SIPA1L3: variants seen among roughly 807,000 people sequenced by gnomAD.
The protein encoded by SIPA1L3 is signal-induced proliferation-associated 1-like protein 3.
A neutral mutation model predicts 150.1 loss-of-function variants in SIPA1L3; 59 were observed. The observed-to-expected ratio is 0.39, with a 90% confidence interval of 0.32 to 0.49. The LOEUF is 0.49. Among genes scored for constraint, SIPA1L3 ranks in the 20% least tolerant of loss-of-function variants. The pLI is 0.86. For missense variants in SIPA1L3, 2,211 were observed against 2,489.5 expected (o/e 0.89, Z 2.38); for synonymous variants, 1,070 against 1,077.6 (o/e 0.99, Z 0.14).
chr19:38,177,674 G>A (rs186698820), intron 15 of SIPA1L3, among the ~76,000 whole-genome samples: 1 of 151,848 alleles, frequency 6.6e-6, no homozygotes, highest in African/African-American at 2.4e-5. Context: ...CAGACCATCT[G>A]TCCTCATACA....
chr19:37,936,613 C>T (rs1459331203), intron 1 of SIPA1L3, among the ~76,000 whole-genome samples: 1 of 152,170 alleles, frequency 6.6e-6, no homozygotes, highest in East Asian at 1.9e-4. Context: ...TTCACAGTGG[C>T]CCTATGAAAT....
intron 4 of SIPA1L3, among the ~76,000 whole-genome samples, chr19:38,089,157 C>G (rs1041922672): frequency 1.3e-5 from 2 of 151,580 alleles, no homozygotes; most frequent in African/African-American, 4.8e-5. Flanking sequence ...CCATCTCTAC[C>G]AAAAATACAA....
chr19:38,203,274 G>A lies in SIPA1L3; in HGVS notation c.5121-853G>A, dbSNP rs1041388147. 9.2e-5 allele frequency among the ~76,000 whole-genome samples: 14 copies of A among 152,174 alleles called. 1 individual carries two copies. Among genetic ancestry groups the A allele is most frequent in the Admixed American group, 2.6e-4 (4 of 15,268 alleles). On this transcript the variant is annotated intron_variant, in intron 20 of 21. Coordinates refer to ENST00000222345, the MANE Select transcript of SIPA1L3 (RefSeq NM_015073.3). ...GCGGGACCTGTGGCCCCTGGGCGGCGCTCCTGGAGTCCATTTGCCCCCATC... is the reference window on the plus strand; with the variant it reads ...GCGGGACCTGTGGCCCCTGGGCGGCACTCCTGGAGTCCATTTGCCCCCATC...
At chr19:38,067,505 G>A (rs1471565385) in intron 2 of SIPA1L3, among the ~76,000 whole-genome samples, 2 of 152,096 alleles carry the variant, frequency 1.3e-5, no homozygotes, top group African/African-American at 4.8e-5. Flanking sequence ...GCTCAAGTCT[G>A]TAATCCCAGC....
intron 1 of SIPA1L3, among the ~76,000 whole-genome samples, chr19:37,993,170 G>A (rs1967555227): frequency 6.6e-6 from 1 of 152,152 alleles, no homozygotes; most frequent in Admixed American, 6.6e-5. Context: ...TTGAATAAGT[G>A]ACTTAGCCCC....
Position 38,106,503 on chromosome 19 carries a change from G to A in SIPA1L3, c.2030-34G>A. ...GATATGGCAAAAACCCAGAGGTTTT[G>A]GAAACATGGTCCTAACTGGCATTTC... On this transcript the variant is annotated intron_variant, in intron 6 of 21. Transcript: ENST00000222345. 7 of 1,453,228 alleles carry A rather than the reference G, an allele frequency of 4.8e-6. No individual in the cohort carries two copies. In the Admixed American group the frequency reaches 1.0e-4, roughly 21 times the overall value. 90.0% of individuals were successfully genotyped at this position (1,453,228 alleles called of 1,614,324 possible).
At chr19:38,058,784 G>A (rs910775767) in intron 2 of SIPA1L3, among the ~76,000 whole-genome samples, 10 of 152,084 alleles carry the variant, frequency 6.6e-5, no homozygotes, top group African/African-American at 2.4e-4. Flanking sequence ...CAGCACTTTG[G>A]GTGGCTGAGG....
At chr19:38,166,800 T>C (rs1972221555) in intron 15 of SIPA1L3, among the ~76,000 whole-genome samples, 1 of 152,098 alleles carries the variant, frequency 6.6e-6, no homozygotes, top group South Asian at 2.1e-4. Context: ...TCCTCTCCTG[T>C]GGCGCCCTAA....
chr19:38,142,790 C>T (rs1971622488), intron 12 of SIPA1L3, 80 bp downstream of exon 12: 2 of 1,494,118 alleles, frequency 1.3e-6, no homozygotes, highest in African/African-American at 1.4e-5. Flanking sequence ...ATGCACACCC[C>T]CACAATTCTA....
intron 15 of SIPA1L3, among the ~76,000 whole-genome samples, chr19:38,177,508 C>T (rs890054037): frequency 6.6e-6 from 1 of 151,630 alleles, no homozygotes; most frequent in Non-Finnish European, 1.5e-5. Context: ...CCCCATTCCC[C>T]ACAAAAAGGG....
chr19:38,142,313 A>C (rs1971605027), intron 11 of SIPA1L3, among the ~76,000 whole-genome samples: 1 of 152,238 alleles, frequency 6.6e-6, no homozygotes, highest in Admixed American at 6.5e-5. Context: ...CAGCCTGCAG[A>C]AGCTGTGAGT....
intron 15 of SIPA1L3, among the ~76,000 whole-genome samples, chr19:38,175,260 C>T (rs2146007597): frequency 6.6e-6 from 1 of 152,168 alleles, no homozygotes; most frequent in East Asian, 1.9e-4. Flanking sequence ...GAGTGGTCAG[C>T]ACTGTCACTG....
intron 13 of SIPA1L3, among the ~76,000 whole-genome samples, chr19:38,155,996 G>A (rs1050885447): frequency 1.3e-5 from 2 of 152,110 alleles, no homozygotes; most frequent in Non-Finnish European, 2.9e-5. Context: ...CAGGAGAATC[G>A]CTTGAACACG....
intron 2 of SIPA1L3, among the ~76,000 whole-genome samples, chr19:38,052,272 G>A (rs185744557): frequency 1.8e-4 from 27 of 152,208 alleles, no homozygotes; most frequent in Admixed American, 1.3e-3. Context: ...GTATTTTAGC[G>A]GAAGGAATTC....
chr19:38,036,465 G>T (rs1487528401), intron 2 of SIPA1L3, among the ~76,000 whole-genome samples: 2 of 152,352 alleles, frequency 1.3e-5, no homozygotes, highest in East Asian at 3.9e-4. Context: ...TCTGAAGGCA[G>T]TGGAGGCTTT....
intron 1 of SIPA1L3, among the ~76,000 whole-genome samples, chr19:38,012,198 C>T (rs911722339): frequency 9.9e-5 from 15 of 151,936 alleles, no homozygotes; most frequent in Middle Eastern, 3.4e-3. Context: ...GGCTCAAGCA[C>T]CCTCAGCCTC....
Position 38,082,654 on chromosome 19 carries a change from G to A in SIPA1L3, c.1089G>A (p.Ser363=), listed in dbSNP as rs766477420. 1.9e-6 allele frequency: 3 copies of A among 1,607,038 alleles called. No homozygotes were observed. The highest frequency in any genetic ancestry group is 1.7e-4 in the Middle Eastern group (1 of 6,060). ...NEAAANRVSV[S]QRRNTTTGAS... ...CGGCCGCCAACAGGGTGTCGGTGTC[G>A]CAGCGGCGGAACACCACCACGGGTG... Residue 363 remains serine, a synonymous_variant, in exon 3 of 22, where the codon TCG becomes TCA. Transcript: ENST00000222345.
chr19:38,153,805 A>G (rs1328180855), intron 13 of SIPA1L3, among the ~76,000 whole-genome samples: 4 of 148,258 alleles, frequency 2.7e-5, no homozygotes, highest in African/African-American at 7.6e-5. Context: ...GTGGTGGTAC[A>G]TGCCTGTAAT....
rs745637751 is a variant in SIPA1L3, at chr19:38,162,238, C to G, written c.3662-15C>G. Reference sequence around the variant, plus strand: ...GTCACTCCTAACCACTGGTGTGTCTCCTGTTTTCCTACAGAGCCTTTGTGG... The same window carrying G: ...GTCACTCCTAACCACTGGTGTGTCTGCTGTTTTCCTACAGAGCCTTTGTGG... On this transcript the variant is annotated splice_polypyrimidine_tract_variant and intron_variant, in intron 13 of 21. Coordinates refer to ENST00000222345, the MANE Select transcript of SIPA1L3 (RefSeq NM_015073.3). 1.9e-6 allele frequency: 3 copies of G among 1,608,214 alleles called. No individual in the cohort carries two copies. The highest frequency in any genetic ancestry group is 2.2e-5 in the South Asian group (2 of 90,960).
Sources: gnomAD v4.1 joint callset for allele counts (sites outside exome capture counted in the v4.1 genomes callset) on GRCh38, gnomAD v4.1.1 for gene constraint, MANE v1.5 for transcripts, NCBI Gene and HGNC (gene_info 2026-07-23, HGNC 2026-07-21) for gene names.